Variants in USP15 observed in about 807,000 individuals in gnomAD.
USP15 encodes the protein ubiquitin specific peptidase 15, also known as ubiquitin carboxyl-terminal hydrolase 15.
Under a neutral mutation model 127.1 loss-of-function variants are expected in USP15, and 18 were observed. That is an observed-to-expected ratio of 0.14 (90% CI 0.10 to 0.21). The LOEUF is 0.21. USP15 is among the 10% of genes least tolerant of loss of function. The pLI, the probability that USP15 is intolerant of heterozygous loss-of-function variation, is 1.00. For synonymous variants in USP15, 364 were observed against 393.7 expected (o/e 0.92, Z 0.89); for missense variants, 805 against 1,159.9 (o/e 0.69, Z 4.44).
At chr12:62,375,146 G>A (rs1456667713) in intron 8 of USP15, among the ~76,000 whole-genome samples, 1 of 152,078 alleles carries the variant, frequency 6.6e-6, no homozygotes, top group Admixed American at 6.6e-5. Flanking sequence ...CTTCGAGGTT[G>A]AAGATTTAGG....
chr12:62,328,309 G>A, intron 6 of USP15: 1 of 453,836 alleles, frequency 2.2e-6, no homozygotes, highest in Non-Finnish European at 4.4e-6. Flanking sequence ...GGGCCATATG[G>A]TCTCTGTCAT....
rs116924467 is a variant in USP15, at chr12:62,330,066, A to C, written c.683+4133A>C. On this transcript the variant is annotated intron_variant, in intron 6 of 21. Coordinates refer to ENST00000280377, the MANE Select transcript of USP15 (RefSeq NM_001252078.2). ...GAGTAACAATGGTGAGATCTTTAAA[A>C]CTAGATGAAACTTTAAAACATACAG... Among the ~76,000 whole-genome samples, 137 of 152,328 alleles carry C rather than the reference A, an allele frequency of 9.0e-4. 2 individuals are homozygous for C. The East Asian group carries it at 0.025, about 28-fold the overall frequency.
At chr12:62,298,122 G>A (rs1466791199) in intron 2 of USP15, among the ~76,000 whole-genome samples, 1 of 152,124 alleles carries the variant, frequency 6.6e-6, no homozygotes, top group Non-Finnish European at 1.5e-5. Flanking sequence ...TAATAAAAAA[G>A]CATAAAGGAA....
chr12:62,286,399 A>G (rs1338141347), intron 1 of USP15, among the ~76,000 whole-genome samples: 1 of 152,222 alleles, frequency 6.6e-6, no homozygotes, highest in Non-Finnish European at 1.5e-5. Context: ...TGCAGAGAAA[A>G]GGGAATGTTT....
chr12:62,341,645 T>A (rs1043925383), intron 6 of USP15, among the ~76,000 whole-genome samples: 1 of 152,204 alleles, frequency 6.6e-6, no homozygotes, highest in Non-Finnish European at 1.5e-5. Context: ...TGAAGCTTTG[T>A]TTGCCTGGAT....
At chr12:62,293,595 A>T (rs1421130650) in intron 1 of USP15, among the ~76,000 whole-genome samples, 1 of 152,064 alleles carries the variant, frequency 6.6e-6, no homozygotes, top group Non-Finnish European at 1.5e-5. Flanking sequence ...ACCTCAACTG[A>T]TCCACCCACC....
rs537641520 is a variant in USP15, at chr12:62,407,019, T to G, written c.*2644T>G. 6.6e-6 allele frequency: 1 copy of G among 152,134 alleles called. No individual in the cohort carries two copies. The highest frequency in any genetic ancestry group is 1.5e-5 in the Non-Finnish European group (1 of 68,020). 9.4% of individuals were successfully genotyped at this position (152,134 alleles called of 1,614,324 possible). A position where few individuals can be genotyped will look rare whatever the true frequency, so the allele number is the denominator to read the frequency against. ...CAGGGTAATGGGAATATATCTAGAC[T>G]AGAATTTCTACTTCTAGCTTTGCCA... On this transcript the variant is annotated 3_prime_UTR_variant, in exon 22 of 22. Transcript: ENST00000280377.
At chr12:62,315,708 T>C (rs1021670828) in intron 4 of USP15, among the ~76,000 whole-genome samples, 2 of 152,204 alleles carry the variant, frequency 1.3e-5, no homozygotes, top group Non-Finnish European at 1.5e-5. Context: ...TTATGAATTA[T>C]AGCGTGGCAT....
chr12:62,276,363 T>A (rs2063489904), intron 1 of USP15, among the ~76,000 whole-genome samples: 1 of 152,122 alleles, frequency 6.6e-6, no homozygotes, highest in African/African-American at 2.4e-5. Flanking sequence ...TCAAGATGGT[T>A]TGTACATTAG....
At chr12:62,383,778 A>G in intron 9 of USP15, 62 bp from the exon 10 acceptor site, 2 of 1,526,534 alleles carry the variant, frequency 1.3e-6, no homozygotes, top group South Asian at 1.2e-5. Context: ...AATCTATTGT[A>G]CATATGTTTA....
chr12:62,286,875 T>TG (rs1385121823), intron 1 of USP15, among the ~76,000 whole-genome samples: 1 of 149,944 alleles, frequency 6.7e-6, no homozygotes, highest in Non-Finnish European at 1.5e-5. Flanking sequence ...AGGTGGAAGT[T>TG]GCGGTGAGCT....
chr12:62,286,257 A>G (rs2063782298), intron 1 of USP15, among the ~76,000 whole-genome samples: 1 of 152,226 alleles, frequency 6.6e-6, no homozygotes, highest in Admixed American at 6.5e-5. Context: ...ACATACAGAC[A>G]GCCAGCAAAT....
chr12:62,299,968 C>T (rs1328904449), intron 2 of USP15, among the ~76,000 whole-genome samples: 13 of 152,042 alleles, frequency 8.6e-5, no homozygotes, highest in Admixed American at 8.5e-4. Flanking sequence ...TAGTGAAATA[C>T]ATTCAGATCC....
rs774860738 is a variant in USP15, at chr12:62,391,342, T to C, written c.2146T>C (p.Phe716Leu). The C allele has an allele frequency of 9.9e-6, 16 of 1,613,304 alleles. No individual in the cohort carries two copies. Among genetic ancestry groups the C allele is most frequent in the Admixed American group, 5.0e-5 (3 of 59,906 alleles). Residue 716 changes from phenylalanine to leucine, a missense_variant, in exon 16 of 22, where the codon TTC (phenylalanine) becomes CTC (leucine). Transcript: ENST00000280377. ...GHKKRLFTFQ[F>L]NNLGNTDINY... Reference sequence around the variant, plus strand: ...CAAAAAACGATTGTTTACATTCCAGTTCAACAACTTAGGCAATACTGATAT... The same window carrying C: ...CAAAAAACGATTGTTTACATTCCAGCTCAACAACTTAGGCAATACTGATAT...
chr12:62,347,221 C>A (rs1038977932), intron 6 of USP15, among the ~76,000 whole-genome samples: 1 of 151,566 alleles, frequency 6.6e-6, no homozygotes, highest in African/African-American at 2.4e-5. Context: ...ATTTCATTTT[C>A]TTTTCCAATA....
At chr12:62,301,432 C>T (rs2064317146) in intron 2 of USP15, among the ~76,000 whole-genome samples, 1 of 152,120 alleles carries the variant, frequency 6.6e-6, no homozygotes, top group South Asian at 2.1e-4. Flanking sequence ...TTGTGAACAA[C>T]TCAAATGCCC....
chr12:62,355,450 C>A lies in USP15; in HGVS notation c.890C>A (p.Thr297Lys). ...GLCGLSNLGN[T>K]CFMNSAIQCL... ...TGTGGCCTAAGTAACTTGGGAAATA[C>A]GTGTTTCATGAACTCAGCTATTCAG... Residue 297 changes from threonine (T) to lysine (K), a missense_variant, in exon 8 of 22, where the codon ACG becomes AAG. Around this residue, in one of 11 missense-constraint regions of USP15, gnomAD observed 84 missense variants for 107.7 expected, o/e 0.78. Transcript: ENST00000280377. 1 of 1,603,878 alleles carries A rather than the reference C, an allele frequency of 6.2e-7. No individual in the cohort carries two copies. The highest frequency in any genetic ancestry group is 8.5e-7 in the Non-Finnish European group (1 of 1,175,290).
At chr12:62,352,707 A>T (rs1002701670) in intron 7 of USP15, among the ~76,000 whole-genome samples, 7 of 152,030 alleles carry the variant, frequency 4.6e-5, no homozygotes, top group Non-Finnish European at 8.8e-5. Flanking sequence ...GCATCATTTC[A>T]TTAACTGAAA....
intron 6 of USP15, among the ~76,000 whole-genome samples, chr12:62,329,852 T>C (rs996052577): frequency 4.6e-5 from 7 of 152,204 alleles, no homozygotes; most frequent in Non-Finnish European, 8.8e-5. Context: ...AATATTGTCA[T>C]TCTGTAAACC....
Sources: allele counts gnomAD v4.1 joint callset (sites outside exome capture counted in the v4.1 genomes callset), GRCh38; gene constraint gnomAD v4.1.1; regional missense constraint gnomAD v4.1.1; transcripts MANE v1.5; gene names NCBI Gene and HGNC (gene_info 2026-07-23, HGNC 2026-07-21).